GNAI3: variants seen among roughly 807,000 people sequenced by gnomAD.
GNAI3 encodes guanine nucleotide-binding protein G(i) subunit alpha-3.
GNAI3 carries 12 observed loss-of-function variants against 41.8 expected under a neutral mutation model. The observed-to-expected ratio is 0.29, with a 90% CI of 0.18 to 0.47. The LOEUF is 0.47. Among genes scored for constraint, GNAI3 ranks in the 20% least tolerant of loss-of-function variants. GNAI3 has a pLI of 1.00. For missense variants in GNAI3, 360 were observed against 429.6 expected (o/e 0.84, Z 1.43); for synonymous variants, 132 against 146.5 (o/e 0.90, Z 0.71).
intron 1 of GNAI3, among the ~76,000 whole-genome samples, chr1:109,570,826 A>G (rs1648574775): frequency 6.6e-6 from 1 of 152,206 alleles, no homozygotes; most frequent in Admixed American, 6.5e-5. Context: ...TTTGAGTATA[A>G]TTGAAGATCG....
intron 1 of GNAI3, among the ~76,000 whole-genome samples, chr1:109,555,480 A>T (rs1038084000): frequency 1.3e-5 from 2 of 152,222 alleles, no homozygotes; most frequent in Non-Finnish European, 2.9e-5. Flanking sequence ...GACAAGCCAC[A>T]TGTAGAAGCA....
rs1474836549 is a variant in GNAI3, at chr1:109,594,200, A to G, written c.*1878A>G. On this transcript the variant is annotated 3_prime_UTR_variant, in exon 9 of 9. Coordinates refer to ENST00000369851, the MANE Select transcript of GNAI3 (RefSeq NM_006496.4). Reference sequence around the variant, plus strand: ...GGTTGGTAGTTGTTACTCATTTTGAATATACCTTTTCCTTATTGTATTCTG... The same window carrying G: ...GGTTGGTAGTTGTTACTCATTTTGAGTATACCTTTTCCTTATTGTATTCTG... 6.6e-6 allele frequency: 1 copy of G among 152,312 alleles called. No homozygotes were observed. The highest frequency in any genetic ancestry group is 1.5e-5 in the Non-Finnish European group (1 of 68,034). 9.4% of individuals were successfully genotyped at this position (152,312 alleles called of 1,614,324 possible).
Position 109,579,370 on chromosome 1 carries a change from T to C in GNAI3, c.461+9T>C. On this transcript the variant is annotated intron_variant, in intron 4 of 8. Coordinates refer to ENST00000369851, the MANE Select transcript of GNAI3 (RefSeq NM_006496.4). ...AATGATTCTGCTTCATAGTAAGTAA[T>C]TTTTCTCTGTGAAACTATAACAGAG... The C allele has an allele frequency of 6.2e-7, 1 of 1,602,228 alleles. No individual in the cohort carries two copies. Among genetic ancestry groups the C allele is most frequent in the Non-Finnish European group, 8.5e-7 (1 of 1,171,944 alleles).
intron 1 of GNAI3, among the ~76,000 whole-genome samples, chr1:109,569,543 T>C (rs1166988001): frequency 1.3e-5 from 2 of 152,160 alleles, no homozygotes; most frequent in Non-Finnish European, 2.9e-5. Context: ...TGAGATGTTA[T>C]GAAAAGGGAG....
rs1294460346 is a variant in GNAI3 at position 109,593,611 on chromosome 1, G to C, written c.*1289G>C. On this transcript the variant is annotated 3_prime_UTR_variant, in exon 9 of 9. Coordinates refer to ENST00000369851, the MANE Select transcript of GNAI3 (RefSeq NM_006496.4). The stretch of plus-strand genomic sequence containing the variant: ...TGCTTTAGCCTTTGTCTGAGAATGG[G>C]TTTAGGTAGAAGGGTTTCCTGAAAG... 6.6e-6 allele frequency: 1 copy of C among 152,600 alleles called. No individual in the cohort carries two copies. The highest frequency in any genetic ancestry group is 1.5e-5 in the Non-Finnish European group (1 of 68,044). 9.5% of individuals were successfully genotyped at this position (152,600 alleles called of 1,614,324 possible). A position where few individuals can be genotyped will look rare whatever the true frequency, so the allele number is the denominator to read the frequency against.
chr1:109,585,764 G>C (rs546444236), intron 5 of GNAI3, among the ~76,000 whole-genome samples: 9 of 152,196 alleles, frequency 5.9e-5, no homozygotes, highest in African/African-American at 2.2e-4. Flanking sequence ...AATAATAATA[G>C]TACTTCTAGG....
intron 1 of GNAI3, among the ~76,000 whole-genome samples, chr1:109,565,703 G>A (rs1337543452): frequency 6.6e-6 from 1 of 152,122 alleles, no homozygotes; most frequent in East Asian, 1.9e-4. Flanking sequence ...AAAAGAAATA[G>A]CAATTTTGTG....
At chr1:109,554,100 G>GTA (rs748059438) in intron 1 of GNAI3, among the ~76,000 whole-genome samples, 6 of 133,540 alleles carry the variant, frequency 4.5e-5, no homozygotes, top group Non-Finnish European at 9.6e-5. Flanking sequence ...GTGTGTGTGT[G>GTA]TATATCACAT....
At chr1:109,586,427 C>A (rs1649034601) in intron 6 of GNAI3, 82 bp downstream of exon 6, 2 of 1,341,728 alleles carry the variant, frequency 1.5e-6, no homozygotes, top group East Asian at 2.4e-5. Context: ...TATCTGCATC[C>A]ATTTCCTCAT....
intron 3 of GNAI3, among the ~76,000 whole-genome samples, chr1:109,575,061 A>T (rs1301158442): frequency 6.6e-6 from 1 of 152,244 alleles, no homozygotes; most frequent in Non-Finnish European, 1.5e-5. Flanking sequence ...TGGATTAGGG[A>T]TTGTGAAATG....
At chr1:109,577,740 A>C (rs769118503) in intron 3 of GNAI3, among the ~76,000 whole-genome samples, 1 of 152,230 alleles carries the variant, frequency 6.6e-6, no homozygotes, top group Non-Finnish European at 1.5e-5. Flanking sequence ...TTAGAGCTGG[A>C]GACCCAGAGT....
Position 109,598,843 on chromosome 1 carries a change from T to C in GNAI3, c.*6521T>C. On this transcript the variant is annotated 3_prime_UTR_variant, in exon 9 of 9. Coordinates refer to ENST00000369851, the MANE Select transcript of GNAI3 (RefSeq NM_006496.4). The stretch of plus-strand genomic sequence containing the variant: ...AGGACCACCAGAGGCTCTGTCACAC[T>C]TGCAGTCCCTGGCCCAACACCGAAA... The C allele has an allele frequency of 1.9e-6, 1 of 531,022 alleles. No homozygotes were observed. The allele number at this position is 531,022 out of a possible 1,614,324, so 32.9% of individuals were successfully genotyped here.
intron 1 of GNAI3, among the ~76,000 whole-genome samples, chr1:109,556,752 C>T (rs1365743684): frequency 6.6e-6 from 1 of 152,206 alleles, no homozygotes; most frequent in African/African-American, 2.4e-5. Context: ...ACTCTCATCT[C>T]TTACAACCAG....
At position 109,553,893 on chromosome 1, in the gene GNAI3, T is replaced by C. The variant is rs147539703; in HGVS notation, c.118+5055T>C. 2.4e-3 allele frequency among the ~76,000 whole-genome samples: 358 copies of C among 152,286 alleles called. 1 individual carries two copies. Among genetic ancestry groups the C allele is most frequent in the African/African-American group, 7.9e-3 (328 of 41,554 alleles). On this transcript the variant is annotated intron_variant, in intron 1 of 8. Coordinates refer to ENST00000369851, the MANE Select transcript of GNAI3 (RefSeq NM_006496.4). Reference sequence around the variant, plus strand: ...TCCCCCGAGTCCCCAAAGTCCGTTGTATCATTCTTAGGCCTTTGCATCCTC... The same window carrying C: ...TCCCCCGAGTCCCCAAAGTCCGTTGCATCATTCTTAGGCCTTTGCATCCTC...
chr1:109,581,287 A>T (rs541356444), intron 4 of GNAI3, among the ~76,000 whole-genome samples: 4 of 151,922 alleles, frequency 2.6e-5, no homozygotes, highest in Admixed American at 6.5e-5. Flanking sequence ...GATTAAAAAA[A>T]AAAACCCCAG....
intron 1 of GNAI3, among the ~76,000 whole-genome samples, chr1:109,570,869 T>G (rs952970086): frequency 2.0e-5 from 3 of 152,202 alleles, no homozygotes; most frequent in Non-Finnish European, 2.9e-5. Context: ...TTTACAAAGT[T>G]TATTCCACCT....
chr1:109,584,039 C>A (rs1240210182), intron 5 of GNAI3, among the ~76,000 whole-genome samples: 1 of 152,044 alleles, frequency 6.6e-6, no homozygotes, highest in Non-Finnish European at 1.5e-5. Flanking sequence ...ACCATGTGTT[C>A]TTTAGTTATG....
chr1:109,553,402 CA>C (rs1648046755), intron 1 of GNAI3, among the ~76,000 whole-genome samples: 1 of 152,110 alleles, frequency 6.6e-6, no homozygotes, highest in African/African-American at 2.4e-5. Flanking sequence ...AAGCCAGTTG[CA>C]TGCAGAGAAC....
intron 1 of GNAI3, among the ~76,000 whole-genome samples, chr1:109,551,026 A>G (rs1458572375): frequency 1.3e-5 from 2 of 152,256 alleles, no homozygotes; most frequent in Non-Finnish European, 2.9e-5. Flanking sequence ...GAACTTGTCC[A>G]GATGTCTAGA....
Sources: allele counts gnomAD v4.1 joint callset (sites outside exome capture counted in the v4.1 genomes callset), GRCh38; gene constraint gnomAD v4.1.1; transcripts MANE v1.5; gene names NCBI Gene and HGNC (gene_info 2026-07-23, HGNC 2026-07-21).